IL6: variants seen among roughly 807,000 people sequenced by gnomAD.
IL6 encodes the protein interleukin 6.
Under a neutral mutation model 18.0 loss-of-function variants are expected in IL6, and 5 were observed. The observed-to-expected ratio is 0.28, with a 90% CI of 0.15 to 0.58. The LOEUF is 0.58. IL6 is among the 20% of genes least tolerant of loss of function. The probability of loss-of-function intolerance (pLI) is 0.90; values close to 1 mark genes in which losing one functional copy is unlikely to be tolerated. For synonymous variants in IL6, 97 were observed against 95.1 expected, an observed-to-expected ratio of 1.02 and a Z score of -0.12; for missense variants, 266 against 251.0, an observed-to-expected ratio of 1.06 and a Z score of -0.40.
In IL6 at chr7:22,728,810, C is replaced by A. The variant is rs1420354121; in HGVS notation, c.324+4C>A. 6 of 1,550,768 alleles carry A rather than the reference C, an allele frequency of 3.9e-6. No individual in the cohort carries two copies. In the Admixed American group the frequency reaches 5.0e-5, roughly 13 times the overall value. On this transcript the variant is annotated splice_donor_region_variant and intron_variant, in intron 3 of 4. Coordinates refer to ENST00000258743, the MANE Select transcript of IL6 (RefSeq NM_000600.5). ...CTTCCAATCTGGATTCAATGAGGTA[C>A]CAACTTGTCGCACTCACTTTTCACT...
intron 4 of IL6, chr7:22,729,919 A>G (rs1784094199): frequency 1.4e-6 from 2 of 1,410,812 alleles, no homozygotes; most frequent in African/African-American, 2.9e-5. Flanking sequence ...TCAATTTTTA[A>G]TAGTGCAAGA....
At position 22,727,647 on chromosome 7, in the gene IL6, G is replaced by T. The variant is rs1310325420; in HGVS notation, c.210+13G>T. 1.1e-5 allele frequency: 17 copies of T among 1,535,312 alleles called. No individual in the cohort carries two copies. The highest frequency in any genetic ancestry group is 4.2e-5 in the Admixed American group (2 of 47,540). On this transcript the variant is annotated intron_variant, in intron 2 of 4. Transcript: ENST00000258743. ...CCTGAGAAAGGAGGTGGGTAGGCTT[G>T]GCGATGGGGTTGAAGGGCCCGGTGC...
At chr7:22,728,149 AT>A (rs1784051126) in intron 2 of IL6, among the ~76,000 whole-genome samples, 1 of 152,140 alleles carries the variant, frequency 6.6e-6, no homozygotes, top group South Asian at 2.1e-4. Context: ...AATGCAAGGT[AT>A]TTTGGTCCTG....
At chr7:22,728,638 G>A (rs1388932426) in intron 2 of IL6, 55 bp from the exon 3 acceptor site, 23 of 967,472 alleles carry the variant, frequency 2.4e-5, no homozygotes, top group Non-Finnish European at 3.0e-5. Context: ...AGGCCCTCTA[G>A]TGGTGTTTGT....
At chr7:22,730,168 G>C in intron 4 of IL6, 1 of 985,410 alleles carries the variant, frequency 1.0e-6, no homozygotes, top group Non-Finnish European at 1.2e-6. Flanking sequence ...TTGGCCACCA[G>C]TAGCTGGCTA....
chr7:22,729,465 G>C, intron 3 of IL6, 49 bp from the exon 4 acceptor site: 1 of 1,569,326 alleles, frequency 6.4e-7, no homozygotes, highest in Non-Finnish European at 8.7e-7. Flanking sequence ...TTTTCAAATT[G>C]ATTCTATCTC....
At chr7:22,730,349 G>A in intron 4 of IL6, 1 of 948,566 alleles carries the variant, frequency 1.1e-6, no homozygotes, top group Non-Finnish European at 1.3e-6. Context: ...TCTTCTTGTG[G>A]TGTGGAGTCT....
intron 4 of IL6, chr7:22,730,070 T>C: frequency 1.0e-6 from 1 of 985,390 alleles, no homozygotes; most frequent in Non-Finnish European, 1.2e-6. Flanking sequence ...TCACTGTGGT[T>C]GTTTCAATTC....
Position 22,731,465 on chromosome 7 carries a change from G to A in IL6, c.531G>A (p.Thr177=), listed in dbSNP as rs373214858. ...PDPTTNASLL[T]KLQAQNQWLQ... ...CAACCACAAATGCCAGCCTGCTGAC[G>A]AAGCTGCAGGCACAGAACCAGTGGC... is the stretch of plus-strand genomic sequence containing the variant. The change falls in exon 5 of 5, where the codon ACG becomes ACA. Residue 177 remains threonine (T), a synonymous_variant. Transcript: ENST00000258743. The A allele has an allele frequency of 8.7e-6, 14 of 1,607,284 alleles. No individual in the cohort carries two copies. The South Asian group carries it at 8.9e-5, about 10-fold the overall frequency.
intron 3 of IL6, 26 bp from the exon 4 acceptor site, chr7:22,729,488 A>G: frequency 6.2e-7 from 1 of 1,603,824 alleles, no homozygotes; most frequent in Non-Finnish European, 8.5e-7. Context: ...GGCGATAACC[A>G]ATTTTCCCAC....
Position 22,727,258 on chromosome 7 carries a change from C to T in IL6, c.-5C>T. ...AAGCTCTATCTCCCCTCCAGGAGCCCAGCTATGAACTCCTTCTCCACAAGT... is the reference window on the plus strand; with the variant it reads ...AAGCTCTATCTCCCCTCCAGGAGCCTAGCTATGAACTCCTTCTCCACAAGT... On this transcript the variant is annotated 5_prime_UTR_variant, in exon 1 of 5. Coordinates refer to ENST00000258743, the MANE Select transcript of IL6 (RefSeq NM_000600.5). 6.2e-7 allele frequency: 1 copy of T among 1,613,726 alleles called. No individual in the cohort carries two copies. The highest frequency in any genetic ancestry group is 8.5e-7 in the Non-Finnish European group (1 of 1,179,994).
chr7:22,728,382 G>C (rs1051147605), intron 2 of IL6: 2 of 310,144 alleles, frequency 6.4e-6, no homozygotes, highest in Admixed American at 8.6e-5. Flanking sequence ...CTGTTATTAA[G>C]TATCTACTGT....
At chr7:22,729,767 A>G (rs1784090345) in intron 4 of IL6, 107 bp downstream of exon 4, 3 of 1,585,188 alleles carry the variant, frequency 1.9e-6, no homozygotes, top group South Asian at 2.3e-5. Flanking sequence ...AGAAGGCTAC[A>G]CGTAAACAAA....
chr7:22,727,345 G>T, intron 1 of IL6, 64 bp downstream of exon 1: 1 of 1,613,884 alleles, frequency 6.2e-7, no homozygotes, highest in Non-Finnish European at 8.5e-7. Context: ...GTGAGGGAGG[G>T]GTGTGTGGCC....
intron 4 of IL6, chr7:22,730,119 T>C: frequency 1.0e-6 from 1 of 985,374 alleles, no homozygotes; most frequent in Non-Finnish European, 1.2e-6. Flanking sequence ...TTCAGAGAAA[T>C]GGTCAGAGAC....
chr7:22,729,681 T>A lies in IL6; in HGVS notation c.471+21T>A, dbSNP rs369156051. ...AAAAGGTGGGTGTGTCCTCATTCCCTCAACTTGGTGTGGGGGAAGACAGGC... is the reference window on the plus strand; with the variant it reads ...AAAAGGTGGGTGTGTCCTCATTCCCACAACTTGGTGTGGGGGAAGACAGGC... On this transcript the variant is annotated intron_variant, in intron 4 of 4. Coordinates refer to ENST00000258743, the MANE Select transcript of IL6 (RefSeq NM_000600.5). 5 of 1,614,022 alleles carry A rather than the reference T, an allele frequency of 3.1e-6. No homozygotes were observed. The African/African-American group carries it at 6.7e-5, about 22-fold the overall frequency.
chr7:22,727,466 C>A lies in IL6; in HGVS notation c.42C>A (p.Phe14Leu), dbSNP rs760962452. The A allele has an allele frequency of 6.2e-7, 1 of 1,614,106 alleles. No individual in the cohort carries two copies. The highest frequency in any genetic ancestry group is 1.1e-5 in the South Asian group (1 of 91,088). Residue 14 changes from phenylalanine (F) to leucine (L), a missense_variant, in exon 2 of 5, where the codon TTC (phenylalanine) becomes TTA (leucine). Coordinates refer to ENST00000258743, the MANE Select transcript of IL6 (RefSeq NM_000600.5). The part of the protein sequence containing the change: ...FSTSAFGPVA[F>L]SLGLLLVLPA... Reference sequence around the variant, plus strand: ...CAGGCGCCTTCGGTCCAGTTGCCTTCTCCCTGGGGCTGCTCCTGGTGTTGC... The same window carrying A: ...CAGGCGCCTTCGGTCCAGTTGCCTTATCCCTGGGGCTGCTCCTGGTGTTGC...
chr7:22,729,663 G>A lies in IL6; in HGVS notation c.471+3G>A, dbSNP rs754355352. The A allele has an allele frequency of 1.9e-6, 3 of 1,614,204 alleles. No homozygotes were observed. The East Asian group carries it at 6.7e-5, about 36-fold the overall frequency. On this transcript the variant is annotated splice_donor_region_variant and intron_variant, in intron 4 of 4. Transcript: ENST00000258743. ...TGATCCAGTTCCTGCAGAAAAAGGT[G>A]GGTGTGTCCTCATTCCCTCAACTTG...
chr7:22,727,470 C>G lies in IL6; in HGVS notation c.46C>G (p.Leu16Val). 1 of 1,614,080 alleles carries G rather than the reference C, an allele frequency of 6.2e-7. No individual in the cohort carries two copies. Among genetic ancestry groups the G allele is most frequent in the African/African-American group, 1.3e-5 (1 of 75,050 alleles). ...TSAFGPVAFSLGLLLVLPAAF... is the reference protein window; with the variant it reads ...TSAFGPVAFSVGLLLVLPAAF... ...CGCCTTCGGTCCAGTTGCCTTCTCC[C>G]TGGGGCTGCTCCTGGTGTTGCCTGC... The change falls in exon 2 of 5, where the codon CTG (leucine) becomes GTG (valine). Residue 16 changes from leucine (L) to valine (V), a missense_variant. By Grantham distance (32) the Leu-to-Val change is conservative. Transcript: ENST00000258743.
Sources: gnomAD v4.1 joint callset for allele counts (sites outside exome capture counted in the v4.1 genomes callset) on GRCh38, gnomAD v4.1.1 for gene constraint, MANE v1.5 for transcripts, NCBI Gene and HGNC (gene_info 2026-07-23, HGNC 2026-07-21) for gene names.